The following FAM120B variants were observed in gnomAD, a reference collection of about 807,000 sequenced individuals.
FAM120B encodes family with sequence similarity 120 member B.
FAM120B carries 83 observed loss-of-function variants against 96.3 expected under a neutral mutation model. The observed-to-expected ratio is 0.86, with a 90% confidence interval of 0.72 to 1.03. The LOEUF (loss-of-function observed/expected upper bound fraction) is 1.03. FAM120B is among the 50% of genes least tolerant of loss of function. The probability of loss-of-function intolerance (pLI) is 0.00; values close to 1 mark genes in which losing one functional copy is unlikely to be tolerated. For synonymous variants in FAM120B, 407 were observed against 402.7 expected, an observed-to-expected ratio of 1.01 and a Z score of -0.13; for missense variants, 1,027 against 1,121.2, an observed-to-expected ratio of 0.92 and a Z score of 1.20.
At chr6:170,343,645 T>C (rs1459023483) in intron 4 of FAM120B, among the ~76,000 whole-genome samples, 2 of 152,114 alleles carry the variant, frequency 1.3e-5, no homozygotes, top group Admixed American at 1.3e-4. Flanking sequence ...AGCCTTTTTG[T>C]TGAAACTCAG....
In FAM120B at chr6:170,338,844, C is replaced by CTTT. The variant is rs61188907; in HGVS notation, c.2017+8312_2017+8314dup. 4.6e-3 allele frequency among the ~76,000 whole-genome samples: 396 copies of CTTT among 85,356 alleles called. 6 individuals carry two copies. The highest frequency in any genetic ancestry group is 0.014 in the East Asian group (31 of 2,290). The allele number at this position is 85,356 out of a possible 152,430, so 56.0% of individuals were successfully genotyped here. The stretch of plus-strand genomic sequence containing the variant: ...TATTAGAGACTAGCATTGCAACCTG[C>CTTT]TTTTTTTTTTTTTTTTTTTTGCTTT... On this transcript the variant is annotated intron_variant, in intron 4 of 10. Transcript: ENST00000476287.
chr6:170,379,996 C>G (rs1430992001), intron 6 of FAM120B, among the ~76,000 whole-genome samples: 1 of 152,144 alleles, frequency 6.6e-6, no homozygotes, highest in Admixed American at 6.5e-5. Context: ...TCCTTGGACT[C>G]ACTTCTTCCC....
chr6:170,397,868 G>A (rs1778265449), intron 9 of FAM120B, among the ~76,000 whole-genome samples: 2 of 152,210 alleles, frequency 1.3e-5, no homozygotes, highest in African/African-American at 2.4e-5. Flanking sequence ...GGCTGGCAGG[G>A]GAGGGAAGAG....
At chr6:170,326,628 T>A (rs1338146128) in intron 3 of FAM120B, among the ~76,000 whole-genome samples, 1 of 152,258 alleles carries the variant, frequency 6.6e-6, no homozygotes, top group Non-Finnish European at 1.5e-5. Context: ...CCAATCCTGC[T>A]GTTGTAGTGC....
chr6:170,378,975 A>AGGGACG (rs1789742926), intron 6 of FAM120B, among the ~76,000 whole-genome samples: 1 of 152,246 alleles, frequency 6.6e-6, no homozygotes, highest in South Asian at 2.1e-4. Context: ...AGGAGGAGCA[A>AGGGACG]GGGACGGGGC....
intron 6 of FAM120B, among the ~76,000 whole-genome samples, chr6:170,367,129 A>C (rs1042236906): frequency 2.6e-5 from 4 of 152,244 alleles, no homozygotes; most frequent in African/African-American, 9.6e-5. Context: ...CACCAGTAGA[A>C]GTTGAAAATA....
intron 6 of FAM120B, 32 bp downstream of exon 6, chr6:170,358,350 C>T (rs376831445): frequency 8.6e-5 from 124 of 1,443,640 alleles, no homozygotes; most frequent in Non-Finnish European, 1.1e-4. Context: ...TGTCACTGCC[C>T]GGAAGACAGC....
chr6:170,307,740 C>G (rs746391743), intron 1 of FAM120B, among the ~76,000 whole-genome samples: 8 of 152,274 alleles, frequency 5.3e-5, no homozygotes, highest in Middle Eastern at 3.4e-3. Flanking sequence ...GAGATTCAGT[C>G]TGGCAGATAT....
intron 6 of FAM120B, among the ~76,000 whole-genome samples, chr6:170,378,469 TTTC>T (rs1789710019): frequency 2.0e-5 from 3 of 152,330 alleles, no homozygotes; most frequent in Non-Finnish European, 2.9e-5. Context: ...CACAGTAAAG[TTTC>T]TTGTCAGTTC....
At chr6:170,395,281 G>A (rs547133809) in intron 8 of FAM120B, among the ~76,000 whole-genome samples, 1 of 152,258 alleles carries the variant, frequency 6.6e-6, no homozygotes, top group South Asian at 2.1e-4. Context: ...CTGGGGTAGG[G>A]TTTAACACGC....
intron 9 of FAM120B, among the ~76,000 whole-genome samples, chr6:170,397,357 CA>C (rs1778229411): frequency 6.6e-6 from 1 of 152,074 alleles, no homozygotes. Context: ...ATCTCCTTGA[CA>C]AGGTGATATT....
At chr6:170,400,139 G>A (rs1778471064) in intron 9 of FAM120B, among the ~76,000 whole-genome samples, 1 of 151,896 alleles carries the variant, frequency 6.6e-6, no homozygotes, top group African/African-American at 2.4e-5. Flanking sequence ...TTAGGAGTGA[G>A]TGGGGAAGGT....
chr6:170,291,260 C>T (rs1444325328), upstream of FAM120B, among the ~76,000 whole-genome samples: 1 of 151,938 alleles, frequency 6.6e-6, no homozygotes, highest in Non-Finnish European at 1.5e-5. Flanking sequence ...GCCGCCCCGT[C>T]CCCTCCGCAC....
intron 6 of FAM120B, among the ~76,000 whole-genome samples, chr6:170,376,891 C>T (rs1352692774): frequency 6.6e-5 from 10 of 151,998 alleles, no homozygotes; most frequent in Admixed American, 1.3e-4. Flanking sequence ...GTAGAGCAAG[C>T]GGGGAATGCC....
upstream of FAM120B, among the ~76,000 whole-genome samples, chr6:170,303,122 T>C (rs1784175890): frequency 6.6e-6 from 1 of 152,242 alleles, no homozygotes; most frequent in Non-Finnish European, 1.5e-5. Flanking sequence ...ATGGTATTTC[T>C]AGATTTGTTA....
At position 170,348,261 on chromosome 6, in the gene FAM120B, C is replaced by T; in HGVS notation, c.2128C>T (p.Leu710=). 2 of 1,614,042 alleles carry T rather than the reference C, an allele frequency of 1.2e-6. No individual in the cohort carries two copies. Among genetic ancestry groups the T allele is most frequent in the East Asian group, 2.2e-5 (1 of 44,886 alleles). ...CAATCTTTCCTCCTCAAGAGAAGAGCTGCAGGCTGTCGAAAGCCCATTTCA... is the reference window on the plus strand; with the variant it reads ...CAATCTTTCCTCCTCAAGAGAAGAGTTGCAGGCTGTCGAAAGCCCATTTCA... ...CFNLSSSREE[L]QAVESPFQAL... is the part of the protein sequence containing the mutation. The change falls in exon 5 of 11, where the codon CTG becomes TTG. Residue 710 remains leucine, a synonymous_variant. Transcript: ENST00000476287.
intron 9 of FAM120B, among the ~76,000 whole-genome samples, chr6:170,397,878 G>A (rs1025319412): frequency 4.6e-5 from 7 of 152,224 alleles, no homozygotes; most frequent in African/African-American, 9.6e-5. Context: ...GGAGGGAAGA[G>A]CCACAGCCTC....
At chr6:170,349,498 G>A (rs984364173) in intron 5 of FAM120B, among the ~76,000 whole-genome samples, 1 of 152,120 alleles carries the variant, frequency 6.6e-6, no homozygotes, top group Non-Finnish European at 1.5e-5. Flanking sequence ...TCTATAGCTT[G>A]CTCTACCTTT....
At chr6:170,402,413 T>C (rs866202022) in intron 9 of FAM120B, among the ~76,000 whole-genome samples, 1 of 152,192 alleles carries the variant, frequency 6.6e-6, no homozygotes, top group South Asian at 2.1e-4. Context: ...TTGACAAATA[T>C]AAATAAAAAG....
Sources: gnomAD v4.1 joint callset for allele counts (sites outside exome capture counted in the v4.1 genomes callset) on GRCh38, gnomAD v4.1.1 for gene constraint, MANE v1.5 for transcripts, NCBI Gene and HGNC (gene_info 2026-07-23, HGNC 2026-07-21) for gene names.